Variants in MTUS2 observed in about 807,000 individuals in gnomAD.
The protein encoded by MTUS2 is microtubule-associated tumor suppressor candidate 2.
A neutral mutation model predicts 114.1 loss-of-function variants in MTUS2; 40 were observed. The observed-to-expected ratio is 0.35, with a 90% CI of 0.27 to 0.46. The LOEUF (loss-of-function observed/expected upper bound fraction) is 0.46. MTUS2 is among the 20% of genes least tolerant of loss of function. The pLI is 1.00. For synonymous variants in MTUS2, 688 were observed against 672.0 expected (o/e 1.02, Z -0.37); for missense variants, 1,679 against 1,705.4 (o/e 0.98, Z 0.27).
chr13:29,503,216 A>ACGGCCTGCGGGAGCTCCGGCTTCT lies in MTUS2; in HGVS notation c.*13_*36dup. On this transcript the variant is annotated 3_prime_UTR_variant, in exon 16 of 16. Coordinates refer to ENST00000612955, the MANE Select transcript of MTUS2 (RefSeq NM_001033602.4). ...CACAACACCCAGATGACGCCACTAC[A>ACGGCCTGCGGGAGCTCCGGCTTCT]CGGCCTGCGGGAGCTCCGGCTTCTC... 1 of 1,612,656 alleles carries ACGGCCTGCGGGAGCTCCGGCTTCT rather than the reference A, an allele frequency of 6.2e-7. No individual in the cohort carries two copies.
At chr13:28,873,462 C>A (rs1488107209) in intron 2 of MTUS2, among the ~76,000 whole-genome samples, 1 of 152,188 alleles carries the variant, frequency 6.6e-6, no homozygotes, top group Non-Finnish European at 1.5e-5. Context: ...TAGAGTGTTA[C>A]ACACAACATT....
At chr13:29,378,016 C>T (rs1445818652) in intron 8 of MTUS2, among the ~76,000 whole-genome samples, 1 of 152,030 alleles carries the variant, frequency 6.6e-6, no homozygotes, top group Admixed American at 6.6e-5. Context: ...AAGCTGGTCT[C>T]GAAAGGTTAC....
intron 8 of MTUS2, among the ~76,000 whole-genome samples, chr13:29,394,001 T>C (rs1283416435): frequency 1.3e-5 from 2 of 152,174 alleles, no homozygotes; most frequent in Admixed American, 1.3e-4. Flanking sequence ...AGGTTTGCCC[T>C]AAACAGTTTT....
intron 2 of MTUS2, among the ~76,000 whole-genome samples, chr13:28,918,523 A>T (rs1880871450): frequency 6.6e-6 from 1 of 151,298 alleles, no homozygotes; most frequent in South Asian, 2.1e-4. Flanking sequence ...ATTTTTTTCC[A>T]TCCTTTTATT....
chr13:29,314,788 T>A (rs1899918193), intron 6 of MTUS2, among the ~76,000 whole-genome samples: 1 of 152,188 alleles, frequency 6.6e-6, no homozygotes, highest in South Asian at 2.1e-4. Context: ...TAAAAAATAG[T>A]TTTCTACCAT....
At chr13:28,968,382 C>A (rs1883697636) in intron 2 of MTUS2, among the ~76,000 whole-genome samples, 1 of 152,096 alleles carries the variant, frequency 6.6e-6, no homozygotes, top group Non-Finnish European at 1.5e-5. Flanking sequence ...TACGTCATTG[C>A]AATGGCAAAA....
chr13:29,056,695 C>A (rs1888150148), intron 4 of MTUS2, among the ~76,000 whole-genome samples: 2 of 152,056 alleles, frequency 1.3e-5, no homozygotes, highest in Non-Finnish European at 1.5e-5. Context: ...TTTGCATCGT[C>A]TCTCTTTTTT....
At chr13:28,937,421 T>G (rs4396382) in intron 2 of MTUS2, among the ~76,000 whole-genome samples, 42,006 of 151,980 alleles carry the variant, frequency 0.28, 6,644 homozygotes, top group African/African-American at 0.43. Flanking sequence ...ACCCCAGCCA[T>G]CAGCGGCAAC....
intron 5 of MTUS2, among the ~76,000 whole-genome samples, chr13:29,237,035 T>C (rs949807299): frequency 6.6e-6 from 1 of 152,206 alleles, no homozygotes; most frequent in Non-Finnish European, 1.5e-5. Flanking sequence ...TTTTCTGCAG[T>C]TGTGGTTTTG....
chr13:29,420,029 C>G (rs1875959610), intron 8 of MTUS2, among the ~76,000 whole-genome samples: 1 of 152,102 alleles, frequency 6.6e-6, no homozygotes. Flanking sequence ...AAAATAGAGT[C>G]ATTAGCATCT....
Position 29,218,141 on chromosome 13 carries a change from A to G in MTUS2, c.2645-63563A>G, listed in dbSNP as rs531988681. Among the ~76,000 whole-genome samples the G allele has an allele frequency of 2.0e-5, 3 of 151,394 alleles. No individual in the cohort carries two copies. In the East Asian group the frequency reaches 5.8e-4, roughly 29 times the overall value. ...CTCCCCGCCAAAACCAAACCAAAAC[A>G]AAACAAAACAAAAAAAAAACACCTA... On this transcript the variant is annotated intron_variant, in intron 5 of 15. Coordinates refer to ENST00000612955, the MANE Select transcript of MTUS2 (RefSeq NM_001033602.4).
chr13:29,347,278 C>A (rs1868790958), intron 7 of MTUS2, among the ~76,000 whole-genome samples: 1 of 152,190 alleles, frequency 6.6e-6, no homozygotes, highest in Non-Finnish European at 1.5e-5. Flanking sequence ...GTCTTTCTTT[C>A]ATTGTGTATG....
intron 3 of MTUS2, among the ~76,000 whole-genome samples, chr13:29,032,729 T>G (rs1886884658): frequency 6.6e-6 from 1 of 152,234 alleles, no homozygotes; most frequent in African/African-American, 2.4e-5. Flanking sequence ...AGTATCAATT[T>G]AAGGGTTTAT....
At chr13:29,336,069 T>G (rs1901048038) in intron 7 of MTUS2, among the ~76,000 whole-genome samples, 1 of 152,202 alleles carries the variant, frequency 6.6e-6, no homozygotes, top group South Asian at 2.1e-4. Flanking sequence ...CTGGTTATTC[T>G]AGTTAGCAAT....
At position 28,821,883 on chromosome 13, in the gene MTUS2, G is replaced by A. The variant is rs79873854; in HGVS notation, c.-316+1272G>A. Among the ~76,000 whole-genome samples, 20 of 152,288 alleles carry A rather than the reference G, an allele frequency of 1.3e-4. No individual in the cohort carries two copies. In the East Asian group the frequency reaches 3.9e-3, roughly 29 times the overall value. ...TACAGCATGTAGACTTTTGTGTTTT[G>A]TCTAAATGCTCTTTCTTGATTTTCC... On this transcript the variant is annotated intron_variant, in intron 1 of 15. Coordinates refer to ENST00000612955, the MANE Select transcript of MTUS2 (RefSeq NM_001033602.4).
At chr13:29,185,584 T>C (rs553125913) in intron 5 of MTUS2, among the ~76,000 whole-genome samples, 1 of 152,206 alleles carries the variant, frequency 6.6e-6, no homozygotes, top group African/African-American at 2.4e-5. Flanking sequence ...ACAGCTGATT[T>C]CTCCCCCCCA....
chr13:29,467,920 G>A (rs1168501061), intron 9 of MTUS2, among the ~76,000 whole-genome samples: 1 of 152,040 alleles, frequency 6.6e-6, no homozygotes, highest in Non-Finnish European at 1.5e-5. Context: ...TTCAAGACCA[G>A]CTGAGGCAAC....
chr13:29,337,255 G>T (rs1165851290), intron 7 of MTUS2, among the ~76,000 whole-genome samples: 1 of 152,212 alleles, frequency 6.6e-6, no homozygotes, highest in South Asian at 2.1e-4. Context: ...TTTTGTGCTT[G>T]AAACCCAGGC....
intron 4 of MTUS2, among the ~76,000 whole-genome samples, chr13:29,063,172 C>T (rs573550100): frequency 2.0e-5 from 3 of 152,230 alleles, no homozygotes; most frequent in African/African-American, 7.2e-5. Flanking sequence ...TTCTACACTG[C>T]CTTTTTAGTA....
Sources: gnomAD v4.1 joint callset for allele counts (sites outside exome capture counted in the v4.1 genomes callset) on GRCh38, gnomAD v4.1.1 for gene constraint, MANE v1.5 for transcripts, NCBI Gene and HGNC (gene_info 2026-07-23, HGNC 2026-07-21) for gene names.